Variants in ROBO2 observed in about 807,000 individuals in gnomAD.
The protein encoded by ROBO2 is roundabout guidance receptor 2, also known as roundabout homolog 2.
A neutral mutation model predicts 160.8 loss-of-function variants in ROBO2; 53 were observed. The ratio of observed to expected loss-of-function variants is 0.33; its 90% CI spans 0.26 to 0.41. The LOEUF is 0.41. ROBO2 is among the 10% of genes least tolerant of loss of function. ROBO2 has a pLI of 1.00. For missense variants in ROBO2, 1,577 were observed against 1,722.4 expected, an observed-to-expected ratio of 0.92 and a Z score of 1.49; for synonymous variants, 664 against 611.7, an observed-to-expected ratio of 1.09 and a Z score of -1.26.
At chr3:75,997,687 G>A (rs1022897627) in intron 2 of ROBO2, among the ~76,000 whole-genome samples, 4 of 151,954 alleles carry the variant, frequency 2.6e-5, no homozygotes, top group Admixed American at 2.0e-4. Flanking sequence ...TAGAGACGGG[G>A]TTTCACCGTG....
intron 5 of ROBO2, among the ~76,000 whole-genome samples, chr3:77,493,844 A>G (rs2086444396): frequency 6.6e-6 from 1 of 152,184 alleles, no homozygotes; most frequent in Admixed American, 6.5e-5. Context: ...AAAGGTCAGC[A>G]TAACACTGAA....
intron 2 of ROBO2, among the ~76,000 whole-genome samples, chr3:76,747,928 TA>T (rs1325604456): frequency 2.0e-5 from 3 of 152,074 alleles, no homozygotes; most frequent in African/African-American, 7.2e-5. Context: ...TTTCATTTAA[TA>T]TTCGAATTCT....
chr3:76,643,727 T>C lies in ROBO2; in HGVS notation c.110-454287T>C, dbSNP rs77907337. ...GCTATCTGGACATTCTTTAAGCCTT[T>C]CTGAAAAGTACTTGTAACAGAAGCC... On this transcript the variant is annotated intron_variant, in intron 2 of 26. Coordinates refer to the ROBO2 transcript ENST00000487694. Among the ~76,000 whole-genome samples, 1,333 of 152,272 alleles carry C rather than the reference T, an allele frequency of 8.8e-3. 14 individuals carry two copies. The highest frequency in any genetic ancestry group is 0.03 in the African/African-American group (1,258 of 41,558).
chr3:76,717,134 C>T (rs2093392312), intron 2 of ROBO2, among the ~76,000 whole-genome samples: 1 of 152,106 alleles, frequency 6.6e-6, no homozygotes. Context: ...TGTTTTCATT[C>T]CTAACTCTAT....
chr3:76,026,145 G>A (rs1472007646), intron 2 of ROBO2, among the ~76,000 whole-genome samples: 3 of 151,858 alleles, frequency 2.0e-5, no homozygotes, highest in African/African-American at 7.2e-5. Flanking sequence ...AATGAATGAA[G>A]TATTTTGAAG....
At chr3:76,281,178 G>T (rs1708212946) in intron 2 of ROBO2, among the ~76,000 whole-genome samples, 1 of 151,622 alleles carries the variant, frequency 6.6e-6, no homozygotes, top group Non-Finnish European at 1.5e-5. Flanking sequence ...CCACATGTGG[G>T]AATACTACCA....
rs144745034 is a variant in ROBO2, at chr3:75,929,428, TG to T, written c.-13-8052del. Among the ~76,000 whole-genome samples the T allele has an allele frequency of 7.3e-3, 1,117 of 152,338 alleles. 18 individuals carry two copies. Among genetic ancestry groups the T allele is most frequent in the African/African-American group, 0.026 (1,079 of 41,588 alleles). ...ACGTTTGCTAAGTTCCATATTGCTT[TG>T]TAATTATCTTAAAACAAAACTTGCT... On this transcript the variant is annotated intron_variant, in intron 1 of 26. Transcript: ENST00000487694.
chr3:77,570,881 C>T (rs929135046), intron 13 of ROBO2, among the ~76,000 whole-genome samples: 2 of 151,950 alleles, frequency 1.3e-5, no homozygotes, highest in Non-Finnish European at 2.9e-5. Context: ...ACCAAAGGCA[C>T]AAGACATAAC....
chr3:76,109,669 T>C (rs186408428), intron 2 of ROBO2, among the ~76,000 whole-genome samples: 5 of 152,128 alleles, frequency 3.3e-5, no homozygotes, highest in Non-Finnish European at 7.4e-5. Context: ...TTTTCAGAAA[T>C]TTTTTTATTT....
intron 2 of ROBO2, among the ~76,000 whole-genome samples, chr3:76,099,410 A>G (rs2069589203): frequency 6.7e-6 from 1 of 148,326 alleles, no homozygotes; most frequent in Admixed American, 6.8e-5. Context: ...AAAAAAAAAA[A>G]TGTAATTACC....
chr3:75,930,505 T>G (rs1253798860), intron 1 of ROBO2, among the ~76,000 whole-genome samples: 3 of 152,210 alleles, frequency 2.0e-5, no homozygotes, highest in Admixed American at 6.5e-5. Context: ...TTGATGTTTC[T>G]AAGGGTTCTG....
At position 76,256,340 on chromosome 3, in the gene ROBO2, T is replaced by A. The variant is rs867067243; in HGVS notation, c.109+318738T>A. On this transcript the variant is annotated intron_variant, in intron 2 of 26. Coordinates refer to the ROBO2 transcript ENST00000487694. ...CTCTCTCTCTCTCTCTCTCTCTCTC[T>A]CTCTCTCTCTCTCACATACACACAC... Among the ~76,000 whole-genome samples the A allele has an allele frequency of 6.0e-3, 488 of 81,430 alleles. 1 individual carries two copies. The highest frequency in any genetic ancestry group is 0.013 in the African/African-American group (313 of 23,314). 53.4% of individuals were successfully genotyped at this position (81,430 alleles called of 152,430 possible).
At chr3:76,085,442 T>A (rs1388648816) in intron 2 of ROBO2, among the ~76,000 whole-genome samples, 2 of 152,212 alleles carry the variant, frequency 1.3e-5, no homozygotes, top group Admixed American at 6.5e-5. Flanking sequence ...TGCATATCTT[T>A]ATCTTTTAAA....
intron 2 of ROBO2, among the ~76,000 whole-genome samples, chr3:76,163,523 T>C (rs1231192004): frequency 2.0e-5 from 3 of 149,098 alleles, no homozygotes; most frequent in Admixed American, 6.7e-5. Flanking sequence ...TTATATAATG[T>C]TATATTGTAT....
intron 2 of ROBO2, among the ~76,000 whole-genome samples, chr3:76,086,656 C>T (rs1460980316): frequency 6.6e-6 from 1 of 152,042 alleles, no homozygotes; most frequent in African/African-American, 2.4e-5. Flanking sequence ...ACGAGGCATA[C>T]TAATATGTAA....
chr3:77,179,740 G>A (rs114473005), intron 2 of ROBO2, among the ~76,000 whole-genome samples: 2,381 of 152,118 alleles, frequency 0.016, 78 homozygotes, highest in African/African-American at 0.054. Context: ...ACACAAATGA[G>A]TAAACATAAA....
intron 2 of ROBO2, among the ~76,000 whole-genome samples, chr3:76,840,757 G>A (rs1471884278): frequency 6.7e-6 from 1 of 150,370 alleles, no homozygotes; most frequent in Non-Finnish European, 1.5e-5. Context: ...TTGCTAAAAT[G>A]AACAACAGAA....
At chr3:77,206,247 G>A (rs1481881880) in intron 2 of ROBO2, among the ~76,000 whole-genome samples, 3 of 151,944 alleles carry the variant, frequency 2.0e-5, no homozygotes, top group Admixed American at 6.6e-5. Context: ...TCAGCTCACT[G>A]CAACCTCCAC....
At chr3:76,613,437 T>A (rs888481850) in intron 2 of ROBO2, among the ~76,000 whole-genome samples, 3 of 152,122 alleles carry the variant, frequency 2.0e-5, no homozygotes, top group Non-Finnish European at 4.4e-5. Context: ...GGAAGCCTAT[T>A]CTGATCCTTT....
Sources: gnomAD v4.1 joint callset for allele counts (sites outside exome capture counted in the v4.1 genomes callset) on GRCh38, gnomAD v4.1.1 for gene constraint, MANE v1.5 for transcripts, NCBI Gene and HGNC (gene_info 2026-07-23, HGNC 2026-07-21) for gene names.